Variants in CHD8 observed in about 807,000 individuals in gnomAD.
CHD8 encodes ATP-dependent chromatin remodeler CHD8.
CHD8 carries 31 observed loss-of-function variants against 279.2 expected under a neutral mutation model. The observed-to-expected ratio is 0.11, with a 90% CI of 0.08 to 0.15. The LOEUF (loss-of-function observed/expected upper bound fraction) is 0.15. Ranked by LOEUF, CHD8 falls within the 10% of genes least tolerant of loss-of-function variation. The pLI is 1.00. For synonymous variants in CHD8, 1,081 were observed against 1,139.6 expected, an observed-to-expected ratio of 0.95 and a Z score of 1.04; for missense variants, 2,146 against 3,230.5, an observed-to-expected ratio of 0.66 and a Z score of 8.14.
intron 1 of CHD8, chr14:21,436,895 C>G (rs1889803882): frequency 7.9e-7 from 1 of 1,262,954 alleles, no homozygotes; most frequent in Middle Eastern, 2.2e-4. Flanking sequence ...GACCCGGGTA[C>G]ATTACCTGCT....
rs1887658136 is a variant in CHD8 at position 21,393,923 on chromosome 14, G to C, written c.5872C>G (p.Leu1958Val). The change falls in exon 32 of 38, where the codon CTG (leucine) becomes GTG (valine). Residue 1958 changes from leucine (L) to valine (V), a missense_variant. By Grantham distance (32) the Leu-to-Val change is conservative. Coordinates refer to ENST00000646647, the MANE Select transcript of CHD8 (RefSeq NM_001170629.2). ...NIMQDPDFSFLAARMNYMQNH... is the reference protein window; with the variant it reads ...NIMQDPDFSFVAARMNYMQNH... ...TGCATATAATTCATACGGGCAGCCA[G>C]AAAAGAGAAGTCTGGGTCCTGCATG... is the stretch of plus-strand genomic sequence containing the variant. 1 of 1,614,008 alleles carries C rather than the reference G, an allele frequency of 6.2e-7. No homozygotes were observed. The highest frequency in any genetic ancestry group is 8.5e-7 in the Non-Finnish European group (1 of 1,179,894).
chr14:21,401,516 A>G lies in CHD8; in HGVS notation c.4063-3T>C, dbSNP rs776087133. The G allele has an allele frequency of 6.5e-7, 1 of 1,541,036 alleles. No homozygotes were observed. The highest frequency in any genetic ancestry group is 1.2e-5 in the South Asian group (1 of 80,924). Reference sequence around the variant, plus strand: ...TTTTCAGAAGCAACAAAGCTTGCCTAGAGAAAAACAAATGCAGAGGTAAAG... The same window carrying G: ...TTTTCAGAAGCAACAAAGCTTGCCTGGAGAAAAACAAATGCAGAGGTAAAG... On this transcript the variant is annotated splice_region_variant and splice_polypyrimidine_tract_variant and intron_variant, in intron 20 of 37. Coordinates refer to ENST00000646647, the MANE Select transcript of CHD8 (RefSeq NM_001170629.2).
At chr14:21,399,556 C>T (rs1887940818) in intron 26 of CHD8, 46 bp downstream of exon 26, 1 of 1,349,880 alleles carries the variant, frequency 7.4e-7, no homozygotes, top group Non-Finnish European at 1.1e-6. Flanking sequence ...CATCCGTGAA[C>T]ATAAATCTTC....
chr14:21,402,954 C>T lies in CHD8; in HGVS notation c.3714+63G>A. 1 of 1,368,684 alleles carries T rather than the reference C, an allele frequency of 7.3e-7. No individual in the cohort carries two copies. The highest frequency in any genetic ancestry group is 1.0e-6 in the Non-Finnish European group (1 of 984,688). 84.8% of individuals were successfully genotyped at this position (1,368,684 alleles called of 1,614,324 possible). On this transcript the variant is annotated intron_variant, in intron 18 of 37. Coordinates refer to ENST00000646647, the MANE Select transcript of CHD8 (RefSeq NM_001170629.2). The surrounding 1 kb of genome is among the most constrained non-coding windows in gnomAD (Gnocchi z 4.5). ...CTGTGAAAGGTCTTTCTAAAAGATC[C>T]TATTCTTGTTGAAAAATCTCCCAAG...
intron 36 of CHD8, among the ~76,000 whole-genome samples, 190 bp downstream of exon 36, chr14:21,391,273 A>G (rs1401271278): frequency 6.6e-6 from 1 of 152,236 alleles, no homozygotes; most frequent in Non-Finnish European, 1.5e-5. Context: ...CTAGCACTTA[A>G]AGTACTTCAA....
Position 21,409,879 on chromosome 14 carries a change from T to C in CHD8, c.2336A>G (p.Gln779Arg). Residue 779 changes from glutamine (Q) to arginine (R), a missense_variant, in exon 11 of 38, where the codon CAG becomes CGG. Gln to Arg is a conservative substitution (Grantham distance 43, BLOSUM62 1). Coordinates refer to ENST00000646647, the MANE Select transcript of CHD8 (RefSeq NM_001170629.2). The stretch of plus-strand genomic sequence containing the variant: ...CCTTTTGAGTTCTGGGTGCCTTGAC[T>C]GAATCCGTTTAAATTCTCGAATCTT... ...EGKIREFKRI[Q>R]SRHPELKRVN... 1 of 1,613,784 alleles carries C rather than the reference T, an allele frequency of 6.2e-7. No homozygotes were observed. The highest frequency in any genetic ancestry group is 8.5e-7 in the Non-Finnish European group (1 of 1,179,738).
intron 1 of CHD8, among the ~76,000 whole-genome samples, chr14:21,446,450 A>C (rs943214030): frequency 1.3e-5 from 2 of 151,768 alleles, no homozygotes; most frequent in African/African-American, 4.8e-5. Flanking sequence ...CAGCTGGGAC[A>C]ACAGGCACAC....
chr14:21,430,735 C>A lies in CHD8; in HGVS notation c.843+66G>T, dbSNP rs1186117141. ...CCCAGAGAAAGCTCTCATGTGCTCA[C>A]TCTCTCAAAGAGTTGCTGGGCCCTC... On this transcript the variant is annotated intron_variant, in intron 2 of 37. Coordinates refer to ENST00000646647, the MANE Select transcript of CHD8 (RefSeq NM_001170629.2). 4 of 995,260 alleles carry A rather than the reference C, an allele frequency of 4.0e-6. No individual in the cohort carries two copies. The Admixed American group carries it at 7.9e-5, about 20-fold the overall frequency. The allele number at this position is 995,260 out of a possible 1,614,324, so 61.7% of individuals were successfully genotyped here.
In CHD8 at chr14:21,415,634, G is replaced by A; in HGVS notation, c.1908C>T (p.Pro636=). The A allele has an allele frequency of 6.2e-7, 1 of 1,609,462 alleles. No individual in the cohort carries two copies. The highest frequency in any genetic ancestry group is 8.5e-7 in the Non-Finnish European group (1 of 1,177,816). Residue 636 remains proline, a synonymous_variant, in exon 7 of 38, where the codon CCC becomes CCT. Transcript: ENST00000646647. Reference sequence around the variant, plus strand: ...CTACAATGGCTGCATCTTCTTCACTGGGATTCTCCTGCAGCAAAAGATGCA... The same window carrying A: ...CTACAATGGCTGCATCTTCTTCACTAGGATTCTCCTGCAGCAAAAGATGCA... ...LPSMQFFVEN[P]SEEDAAIVDK...
chr14:21,429,284 G>A lies in CHD8; in HGVS notation c.895C>T (p.Pro299Ser). The change falls in exon 3 of 38, where the codon CCC becomes TCC. Residue 299 changes from proline to serine, a missense_variant. Physicochemically the swap from Pro to Ser is moderately conservative, Grantham distance 74. Around this residue, in one of 26 missense-constraint regions of CHD8, gnomAD observed 170 missense variants for 189.9 expected, o/e 0.90. Coordinates refer to ENST00000646647, the MANE Select transcript of CHD8 (RefSeq NM_001170629.2). Reference protein sequence around the residue: ...LVLQQPQSGGPQGHRHVVLGS... With the variant: ...LVLQQPQSGGSQGHRHVVLGS... Reference sequence around the variant, plus strand: ...AGCACAACATGCCGATGTCCTTGGGGACCTCCAGACTGTGGCTGCTGGAGG... The same window carrying A: ...AGCACAACATGCCGATGTCCTTGGGAACCTCCAGACTGTGGCTGCTGGAGG... 4 of 1,606,680 alleles carry A rather than the reference G, an allele frequency of 2.5e-6. No homozygotes were observed. Among genetic ancestry groups the A allele is most frequent in the Non-Finnish European group, 3.4e-6 (4 of 1,174,438 alleles).
At chr14:21,432,885 C>CCA (rs1566447624) in intron 1 of CHD8, among the ~76,000 whole-genome samples, 2 of 152,064 alleles carry the variant, frequency 1.3e-5, no homozygotes, top group African/African-American at 4.8e-5. Flanking sequence ...TGTAATATAT[C>CCA]CTCTGAAGGC....
intron 8 of CHD8, 63 bp downstream of exon 8, chr14:21,414,875 C>T: frequency 7.8e-7 from 1 of 1,274,894 alleles, no homozygotes; most frequent in Non-Finnish European, 1.1e-6. Flanking sequence ...CCAGGATACC[C>T]AGGAGAACTT....
In CHD8 at chr14:21,394,269, T is replaced by C. The variant is rs1887676006; in HGVS notation, c.5599+8A>G. 3 of 1,613,786 alleles carry C rather than the reference T, an allele frequency of 1.9e-6. No homozygotes were observed. Among genetic ancestry groups the C allele is most frequent in the Non-Finnish European group, 2.5e-6 (3 of 1,179,868 alleles). ...ATCCATCCTCACCCACTCTGCAATC[T>C]TGCTTACCATCTCCAGCTGCTGGGG... On this transcript the variant is annotated splice_region_variant and intron_variant, in intron 31 of 37. Transcript: ENST00000646647.
At chr14:21,386,235 C>T in intron 37 of CHD8, 59 bp from the exon 38 acceptor site, 1 of 1,458,708 alleles carries the variant, frequency 6.9e-7, no homozygotes, top group Non-Finnish European at 9.2e-7. Flanking sequence ...GAAAAGAAAC[C>T]AAAGCCAACA....
At chr14:21,413,816 A>G (rs961744904) in intron 9 of CHD8, 1 of 154,562 alleles carries the variant, frequency 6.5e-6, no homozygotes, top group Non-Finnish European at 1.4e-5. Flanking sequence ...TACTCTTATC[A>G]AGGATGAACG....
At chr14:21,397,176 T>C (rs1887824670) in intron 27 of CHD8, 1 of 278,660 alleles carries the variant, frequency 3.6e-6, no homozygotes, top group Non-Finnish European at 7.6e-6. Flanking sequence ...AATGAATAAA[T>C]AACCCAATTT....
chr14:21,450,411 T>C (rs1393960489), intron 1 of CHD8, among the ~76,000 whole-genome samples: 1 of 152,056 alleles, frequency 6.6e-6, no homozygotes, highest in Non-Finnish European at 1.5e-5. Flanking sequence ...CCAAAGCATG[T>C]AGTGGAAGAA....
chr14:21,411,995 C>T (rs1025081090), intron 10 of CHD8, among the ~76,000 whole-genome samples: 2 of 150,518 alleles, frequency 1.3e-5, no homozygotes, highest in Non-Finnish European at 2.9e-5. Context: ...ATCTGGGAGG[C>T]GGAGGTTGCA....
At chr14:21,391,973 A>T in intron 34 of CHD8, 27 bp from the exon 35 acceptor site, 3 of 1,458,664 alleles carry the variant, frequency 2.1e-6, no homozygotes, top group Non-Finnish European at 2.9e-6. Context: ...CCCACCCAAG[A>T]CATCATATGG....
Sources: allele counts gnomAD v4.1 joint callset (sites outside exome capture counted in the v4.1 genomes callset), GRCh38; gene constraint gnomAD v4.1.1; regional missense constraint gnomAD v4.1.1; non-coding constraint Gnocchi (gnomAD v3.1); transcripts MANE v1.5; gene names NCBI Gene and HGNC (gene_info 2026-07-23, HGNC 2026-07-21).